The following PXDNL variants were observed in gnomAD, a reference collection of about 807,000 sequenced individuals.
PXDNL encodes peroxidasin like.
A neutral mutation model predicts 150.8 loss-of-function variants in PXDNL; 145 were observed. That is an observed-to-expected ratio of 0.96 (90% CI 0.84 to 1.10). The LOEUF (loss-of-function observed/expected upper bound fraction) is 1.10, where lower values mean the gene tolerates loss of function less well. PXDNL is among the 50% of genes least tolerant of loss of function. The pLI is 0.00. For synonymous variants in PXDNL, 757 were observed against 725.7 expected (o/e 1.04, Z -0.69); for missense variants, 2,087 against 1,873.9 (o/e 1.11, Z -2.10).
intron 4 of PXDNL, among the ~76,000 whole-genome samples, chr8:51,541,972 T>C (rs971757065): frequency 2.6e-5 from 4 of 152,204 alleles, no homozygotes; most frequent in Non-Finnish European, 5.9e-5. Context: ...CTCTGTTTTA[T>C]AATTCAGTGA....
intron 21 of PXDNL, among the ~76,000 whole-genome samples, chr8:51,329,099 C>G (rs1805603443): frequency 6.6e-6 from 1 of 152,162 alleles, no homozygotes; most frequent in Non-Finnish European, 1.5e-5. Flanking sequence ...GGAGAAAAGG[C>G]CACAGTACTG....
chr8:51,639,361 C>T (rs1299399333), intron 2 of PXDNL, among the ~76,000 whole-genome samples: 4 of 152,120 alleles, frequency 2.6e-5, no homozygotes, highest in Non-Finnish European at 4.4e-5. Flanking sequence ...CAGAGCAGAA[C>T]TGAAGGAGAT....
At chr8:51,548,115 CT>C (rs1812402970) in intron 4 of PXDNL, among the ~76,000 whole-genome samples, 1 of 148,500 alleles carries the variant, frequency 6.7e-6, no homozygotes, top group South Asian at 2.1e-4. Flanking sequence ...AAAAAGAAGG[CT>C]TTTGATTAAC....
chr8:51,770,926 C>A (rs1264644656), intron 1 of PXDNL, among the ~76,000 whole-genome samples: 3 of 152,152 alleles, frequency 2.0e-5, no homozygotes, highest in Admixed American at 6.5e-5. Flanking sequence ...GCACACCACA[C>A]CATCTTCCCA....
chr8:51,657,512 T>C (rs1366816137), intron 1 of PXDNL, among the ~76,000 whole-genome samples: 4 of 152,228 alleles, frequency 2.6e-5, no homozygotes, highest in Admixed American at 1.3e-4. Flanking sequence ...CTTTATAGAT[T>C]CCTTTACTGA....
chr8:51,643,030 A>G (rs186261133), intron 2 of PXDNL, among the ~76,000 whole-genome samples: 2,640 of 152,314 alleles, frequency 0.017, 87 homozygotes, highest in African/African-American at 0.061. Context: ...ACACTGCTCA[A>G]TGAAATAAAA....
At chr8:51,480,316 A>G (rs1404860228) in intron 6 of PXDNL, among the ~76,000 whole-genome samples, 1 of 152,230 alleles carries the variant, frequency 6.6e-6, no homozygotes, top group African/African-American at 2.4e-5. Flanking sequence ...TACAGGAAGC[A>G]TAGTGCCAGC....
At chr8:51,398,889 T>C (rs1157182338) in intron 17 of PXDNL, among the ~76,000 whole-genome samples, 1 of 152,172 alleles carries the variant, frequency 6.6e-6, no homozygotes. Context: ...TTAAAGAAGG[T>C]ATGCTCTTAT....
chr8:51,536,782 C>T (rs547261547), intron 4 of PXDNL, among the ~76,000 whole-genome samples: 1 of 152,310 alleles, frequency 6.6e-6, no homozygotes, highest in East Asian at 1.9e-4. Flanking sequence ...TGGTCCCCAA[C>T]AGTTTTCACA....
At chr8:51,507,422 G>A (rs1036042421) in intron 4 of PXDNL, among the ~76,000 whole-genome samples, 1 of 152,174 alleles carries the variant, frequency 6.6e-6, no homozygotes, top group Non-Finnish European at 1.5e-5. Context: ...GGAGCTGAGC[G>A]GGACAGAAGC....
At chr8:51,735,355 C>T (rs7013173) in intron 1 of PXDNL, among the ~76,000 whole-genome samples, 142,929 of 151,158 alleles carry the variant, frequency 0.95, 68,096 homozygotes, top group East Asian at 1. Context: ...CATGGTGGTG[C>T]GTGCCTGTAA....
rs750178221 is a variant in PXDNL, at chr8:51,371,884, T to C, written c.3890A>G (p.Asp1297Gly). 7 of 1,613,586 alleles carry C rather than the reference T, an allele frequency of 4.3e-6. No individual in the cohort carries two copies. Among genetic ancestry groups the C allele is most frequent in the Admixed American group, 3.3e-5 (2 of 59,994 alleles). The stretch of plus-strand genomic sequence containing the variant: ...GCATTATTACTGACCTGCACAGCAG[T>C]CTTGCCACACTCGCAGGTCCACCTT... ...IPKVDLRVWQ[D>G]CCADCRSRGQ... The change falls in exon 19 of 23, where the codon GAC (aspartate) becomes GGC (glycine). Residue 1297 changes from aspartate to glycine, a missense_variant. By Grantham distance (94) the Asp-to-Gly change is moderately conservative. Transcript: ENST00000356297.
chr8:51,495,089 C>A (rs910312606), intron 5 of PXDNL, among the ~76,000 whole-genome samples: 1 of 152,078 alleles, frequency 6.6e-6, no homozygotes, highest in African/African-American at 2.4e-5. Context: ...TCTCTCAGAC[C>A]ACAGTGCAAT....
chr8:51,409,989 G>A (rs12679432), intron 16 of PXDNL, among the ~76,000 whole-genome samples: 3,658 of 152,304 alleles, frequency 0.024, 83 homozygotes, highest in South Asian at 0.082. Context: ...GCCTTTACAA[G>A]AACGATGTTG....
chr8:51,697,522 G>A (rs1253782392), intron 1 of PXDNL, among the ~76,000 whole-genome samples: 1 of 152,212 alleles, frequency 6.6e-6, no homozygotes, highest in Admixed American at 6.5e-5. Flanking sequence ...ACAGTTCCCA[G>A]TCAAGGAGTA....
intron 1 of PXDNL, among the ~76,000 whole-genome samples, chr8:51,726,295 C>CT (rs1816816744): frequency 6.6e-6 from 1 of 152,216 alleles, no homozygotes. Flanking sequence ...CCCAAAGTCC[C>CT]TTAACTAGTG....
chr8:51,415,076 T>A (rs185566847), intron 14 of PXDNL, among the ~76,000 whole-genome samples: 3 of 152,288 alleles, frequency 2.0e-5, no homozygotes, highest in African/African-American at 7.2e-5. Context: ...GAGATGGCAG[T>A]TGTTACTTTG....
chr8:51,456,536 T>C, intron 9 of PXDNL, among the ~76,000 whole-genome samples: 1 of 152,240 alleles, frequency 6.6e-6, no homozygotes, highest in East Asian at 1.9e-4. Context: ...AGCTGACTGC[T>C]ACACAAAGCC....
At chr8:51,336,571 G>A (rs1805835487) in intron 21 of PXDNL, among the ~76,000 whole-genome samples, 10 of 152,142 alleles carry the variant, frequency 6.6e-5, no homozygotes, top group Admixed American at 6.5e-4. Flanking sequence ...CTACCTTTGG[G>A]TGCTCCCCAC....
Sources: gnomAD v4.1 joint callset for allele counts (sites outside exome capture counted in the v4.1 genomes callset) on GRCh38, gnomAD v4.1.1 for gene constraint, MANE v1.5 for transcripts, NCBI Gene and HGNC (gene_info 2026-07-23, HGNC 2026-07-21) for gene names.